The following CEP164 variants were observed in gnomAD, a reference collection of about 807,000 sequenced individuals.
CEP164 encodes the protein centrosomal protein 164.
In CEP164, 162 loss-of-function variants were observed where a neutral mutation model predicts 182.7. That is an observed-to-expected ratio of 0.89 (90% CI 0.78 to 1.01). The LOEUF (loss-of-function observed/expected upper bound fraction) is 1.01, where lower values mean the gene tolerates loss of function less well. Among genes scored for constraint, CEP164 ranks in the 50% least tolerant of loss-of-function variants. CEP164 has a pLI of 0.00. For missense variants in CEP164, 1,735 were observed against 1,790.4 expected, an observed-to-expected ratio of 0.97 and a Z score of 0.56; for synonymous variants, 661 against 690.0, an observed-to-expected ratio of 0.96 and a Z score of 0.66.
intron 11 of CEP164, among the ~76,000 whole-genome samples, chr11:117,376,476 C>T (rs1162107051): frequency 5.3e-5 from 8 of 152,164 alleles, no homozygotes; most frequent in Non-Finnish European, 1.2e-4. Context: ...TTTTCTTTTT[C>T]TTTGTGGATT....
intron 15 of CEP164, among the ~76,000 whole-genome samples, chr11:117,389,220 G>T (rs1300959452): frequency 6.6e-6 from 1 of 152,182 alleles, no homozygotes; most frequent in African/African-American, 2.4e-5. Flanking sequence ...TGAATTCCCT[G>T]AGCGCACAGC....
In CEP164 at chr11:117,387,348, A is replaced by G; in HGVS notation, c.1870A>G (p.Lys624Glu). The G allele has an allele frequency of 6.2e-7, 1 of 1,614,186 alleles. No homozygotes were observed. The highest frequency in any genetic ancestry group is 8.5e-7 in the Non-Finnish European group (1 of 1,180,028). The change falls in exon 15 of 33, where the codon AAG becomes GAG. Residue 624 changes from lysine to glutamate, a missense_variant. Lys to Glu is a moderately conservative substitution (Grantham distance 56). Coordinates refer to ENST00000278935, the MANE Select transcript of CEP164 (RefSeq NM_014956.5). ...AGAGAAGATGCAGCAACTGCGGGAG[A>G]AGCTGTGCCAAGAGGAGGAAGAGGA... is the stretch of plus-strand genomic sequence containing the variant. ...KQEKMQQLREKLCQEEEEEIL... is the reference protein window; with the variant it reads ...KQEKMQQLREELCQEEEEEIL...
intron 27 of CEP164, among the ~76,000 whole-genome samples, chr11:117,407,122 T>C (rs576771439): frequency 6.6e-6 from 1 of 152,086 alleles, no homozygotes; most frequent in Non-Finnish European, 1.5e-5. Flanking sequence ...AAATGGTGTT[T>C]CTGATGGTGT....
chr11:117,391,555 T>G (rs569667803), intron 17 of CEP164, among the ~76,000 whole-genome samples: 1 of 151,990 alleles, frequency 6.6e-6, no homozygotes, highest in East Asian at 1.9e-4. Flanking sequence ...TTGAGAAAGT[T>G]CGTGACTGAA....
rs887399317 is a variant in CEP164, at chr11:117,397,319, G to A, written c.3501+6G>A. On this transcript the variant is annotated splice_donor_region_variant and intron_variant, in intron 27 of 32. Coordinates refer to ENST00000278935, the MANE Select transcript of CEP164 (RefSeq NM_014956.5). ...TGCGCAAGAACCTGGAGAAGGTCAGGAGCTTTGGGAAGGGCCTGCCAGCCC... is the reference window on the plus strand; with the variant it reads ...TGCGCAAGAACCTGGAGAAGGTCAGAAGCTTTGGGAAGGGCCTGCCAGCCC... 2.5e-6 allele frequency: 4 copies of A among 1,608,736 alleles called. No homozygotes were observed. In the African/African-American group the frequency reaches 5.3e-5, roughly 21 times the overall value.
intron 26 of CEP164, 122 bp from the exon 27 acceptor site, chr11:117,396,969 C>A (rs569540239): frequency 2.3e-6 from 2 of 887,254 alleles, no homozygotes; most frequent in African/African-American, 1.7e-5. Context: ...TCACAGTGCC[C>A]AGCCCTAGCC....
intron 1 of CEP164, among the ~76,000 whole-genome samples, chr11:117,334,394 C>T (rs2036706856): frequency 6.6e-6 from 1 of 152,200 alleles, no homozygotes; most frequent in African/African-American, 2.4e-5. Context: ...AGGTAGAATA[C>T]AACCCACCCA....
At position 117,409,975 on chromosome 11, in the gene CEP164, A is replaced by G. The variant is rs1337323015; in HGVS notation, c.4096+10A>G. On this transcript the variant is annotated intron_variant, in intron 30 of 32. Coordinates refer to ENST00000278935, the MANE Select transcript of CEP164 (RefSeq NM_014956.5). The surrounding 1 kb of genome is among the most constrained non-coding windows in gnomAD (Gnocchi z 4.4). ...CGCAAGTATTTTCCATGTAAGCCCC[A>G]CTCTGGGCGGAGCCTTCCCACCTGC... 1.2e-6 allele frequency: 2 copies of G among 1,612,694 alleles called. No individual in the cohort carries two copies. The highest frequency in any genetic ancestry group is 1.3e-5 in the African/African-American group (1 of 74,714).
At chr11:117,403,312 G>T (rs183673447) in intron 27 of CEP164, among the ~76,000 whole-genome samples, 292 of 152,346 alleles carry the variant, frequency 1.9e-3, no homozygotes, top group African/African-American at 6.8e-3. Context: ...GGTAGCGGTT[G>T]TTCCTTTCCA....
chr11:117,411,861 G>A lies in CEP164; in HGVS notation c.4230G>A (p.Gln1410=), dbSNP rs1294452498. 6.2e-7 allele frequency: 1 copy of A among 1,614,136 alleles called. No homozygotes were observed. The highest frequency in any genetic ancestry group is 8.5e-7 in the Non-Finnish European group (1 of 1,180,010). ...QVPEAGSTTF[Q]GIIEANRRWL... ...CTGAGGCGGGCAGCACCACCTTTCA[G>A]GGCATAATTGAGGCCAACCGGAGGT... The change falls in exon 32 of 33, where the codon CAG becomes CAA. Residue 1410 remains glutamine, a synonymous_variant. Transcript: ENST00000278935. This position sits in a 1 kb window ranked among gnomAD's most constrained non-coding sequence, Gnocchi z 4.4.
rs897158670 is a variant in CEP164 at position 117,383,758 on chromosome 11, C to T, written c.1724+816C>T. On this transcript the variant is annotated intron_variant, in intron 14 of 32. Coordinates refer to ENST00000278935, the MANE Select transcript of CEP164 (RefSeq NM_014956.5). ...GCAGAATTAGAACTAGATTATAGGC[C>T]GGGCGCGGTGGCTCACACCTGTAAT... Among the ~76,000 whole-genome samples the T allele has an allele frequency of 7.9e-5, 12 of 152,134 alleles. 1 individual carries two copies. The highest frequency in any genetic ancestry group is 4.1e-4 in the South Asian group (2 of 4,826).
intron 15 of CEP164, among the ~76,000 whole-genome samples, chr11:117,388,031 ACCTCCAACCCCCTAGCAT>A (rs554104137): frequency 1.4e-3 from 207 of 152,238 alleles, no homozygotes; most frequent in African/African-American, 4.6e-3. Context: ...AAGAACAGAC[ACCTCCAACCCCCTAGCAT>A]CCTCCAACCC....
At chr11:117,371,590 C>G in intron 9 of CEP164, 124 bp downstream of exon 9, 1 of 1,206,106 alleles carries the variant, frequency 8.3e-7, no homozygotes, top group Non-Finnish European at 1.1e-6. Context: ...CGTGTCCCTG[C>G]ACTGGGCTGT....
chr11:117,363,596 T>C, intron 8 of CEP164, 90 bp downstream of exon 8: 1 of 927,642 alleles, frequency 1.1e-6, no homozygotes, highest in Non-Finnish European at 1.7e-6. Flanking sequence ...GTAATGCATA[T>C]TTGGAAAAAG....
At chr11:117,349,729 T>C (rs999537487) in intron 4 of CEP164, among the ~76,000 whole-genome samples, 1 of 152,160 alleles carries the variant, frequency 6.6e-6, no homozygotes, top group African/African-American at 2.4e-5. Flanking sequence ...TTTGATTTAA[T>C]TTTTTTGAGG....
chr11:117,345,702 T>C (rs2038789791), intron 4 of CEP164, among the ~76,000 whole-genome samples: 1 of 152,154 alleles, frequency 6.6e-6, no homozygotes, highest in Non-Finnish European at 1.5e-5. Context: ...CTTTTTTTTT[T>C]TGAGATGGAG....
chr11:117,337,116 C>T (rs921175417), intron 2 of CEP164, among the ~76,000 whole-genome samples: 5 of 152,092 alleles, frequency 3.3e-5, no homozygotes, highest in Admixed American at 6.6e-5. Flanking sequence ...AACACAATAC[C>T]GTAGACTGGG....
At chr11:117,339,068 T>A (rs1450553256) in intron 3 of CEP164, among the ~76,000 whole-genome samples, 1 of 152,238 alleles carries the variant, frequency 6.6e-6, no homozygotes, top group Admixed American at 6.5e-5. Context: ...TTTGCCTGCC[T>A]CCGGCTCCCA....
chr11:117,409,041 G>T lies in CEP164; in HGVS notation c.3748+13G>T. ...CGGCAGCAGAGGAGTGAGTGGGGGA[G>T]ATGCGGGGTGAGGACCATGGTATCC... On this transcript the variant is annotated intron_variant, in intron 29 of 32. Transcript: ENST00000278935. The surrounding 1 kb of genome is among the most constrained non-coding windows in gnomAD (Gnocchi z 4.4). 2.5e-6 allele frequency: 4 copies of T among 1,613,894 alleles called. No individual in the cohort carries two copies. The highest frequency in any genetic ancestry group is 3.4e-6 in the Non-Finnish European group (4 of 1,179,886).
Sources: allele counts gnomAD v4.1 joint callset (sites outside exome capture counted in the v4.1 genomes callset), GRCh38; gene constraint gnomAD v4.1.1; non-coding constraint Gnocchi (gnomAD v3.1); transcripts MANE v1.5; gene names NCBI Gene and HGNC (gene_info 2026-07-23, HGNC 2026-07-21).